The following SOD2 variants were observed in gnomAD, a reference collection of about 807,000 sequenced individuals.
SOD2 encodes superoxide dismutase [Mn], mitochondrial.
Under a neutral mutation model 27.0 loss-of-function variants are expected in SOD2, and 11 were observed. The ratio of observed to expected loss-of-function variants is 0.41; its 90% CI spans 0.26 to 0.67. SOD2 has a LOEUF of 0.67. SOD2 is among the 30% of genes least tolerant of loss of function. The pLI is 0.34. For missense variants in SOD2, 250 were observed against 274.5 expected, an observed-to-expected ratio of 0.91 and a Z score of 0.63; for synonymous variants, 105 against 103.0, an observed-to-expected ratio of 1.02 and a Z score of -0.12.
intron 1 of SOD2, chr6:159,727,025 C>G (rs1312967881): frequency 8.1e-7 from 1 of 1,234,450 alleles, no homozygotes; most frequent in East Asian, 5.8e-5. Context: ...AGCCCCGCAG[C>G]CGCAGGTGGC....
intron 1 of SOD2, among the ~76,000 whole-genome samples, chr6:159,724,915 G>A (rs757285502): frequency 8.9e-5 from 13 of 146,460 alleles, no homozygotes; most frequent in Non-Finnish European, 1.7e-4. Flanking sequence ...AGAGAGGGAG[G>A]GAGGGAAGAA....
intron 3 of SOD2, among the ~76,000 whole-genome samples, chr6:159,687,127 T>C (rs1057167171): frequency 3.3e-5 from 5 of 152,102 alleles, no homozygotes; most frequent in African/African-American, 4.8e-5. Flanking sequence ...CTGTATCACA[T>C]AGATGAAAAA....
intron 1 of SOD2, among the ~76,000 whole-genome samples, chr6:159,735,203 C>A (rs1778830628): frequency 6.6e-6 from 1 of 152,098 alleles, no homozygotes; most frequent in Non-Finnish European, 1.5e-5. Flanking sequence ...CAGTGGCGCG[C>A]CATCTCGGCT....
rs192914066 is a variant in SOD2 at position 159,675,729 on chromosome 6, G to A, written c.*6764C>T. On this transcript the variant is annotated 3_prime_UTR_variant, in exon 5 of 5. Transcript: ENST00000538183. ...TAAAACACCAAAAGCAATGGCAACA[G>A]AAGCCAAAATTGACAAATGGGATCT... 6.6e-6 allele frequency: 1 copy of A among 152,128 alleles called. No homozygotes were observed. The highest frequency in any genetic ancestry group is 1.5e-5 in the Non-Finnish European group (1 of 68,014). 9.4% of individuals were successfully genotyped at this position (152,128 alleles called of 1,614,324 possible). A position where few individuals can be genotyped will look rare whatever the true frequency, so the allele number is the denominator to read the frequency against.
chr6:159,755,726 T>G, intron 1 of SOD2: 2 of 1,257,954 alleles, frequency 1.6e-6, no homozygotes, highest in Non-Finnish European at 2.0e-6. Context: ...CGTTTTGGTT[T>G]TTTTTTGTTG....
In SOD2 at chr6:159,674,956, GACAA is replaced by G. The variant is rs1379475161; in HGVS notation, c.*7533_*7536del. 26 of 152,200 alleles carry G rather than the reference GACAA, an allele frequency of 1.7e-4. No individual in the cohort carries two copies. The highest frequency in any genetic ancestry group is 1.2e-3 in the South Asian group (6 of 4,824). 9.4% of individuals were successfully genotyped at this position (152,200 alleles called of 1,614,324 possible). On this transcript the variant is annotated 3_prime_UTR_variant, in exon 5 of 5. Transcript: ENST00000538183. ...CAAGCATTCTTATACACCAACAACAGACAAACAGAGAGCCAAATCATGAGTGAAC... is the reference window on the plus strand; with the variant it reads ...CAAGCATTCTTATACACCAACAACAGACAGAGAGCCAAATCATGAGTGAAC...
upstream of SOD2, among the ~76,000 whole-genome samples, chr6:159,694,439 ACAGT>A (rs895401685): frequency 7.9e-5 from 12 of 152,124 alleles, no homozygotes; most frequent in African/African-American, 1.2e-4. Context: ...GAATGGGAAA[ACAGT>A]CAGGCGAAGA....
chr6:159,761,948 CGG>C (rs1780142048), exon 1 of SOD2: 1 of 997,270 alleles, frequency 1.0e-6, no homozygotes, highest in African/African-American at 1.9e-5. Flanking sequence ...GTGGGATGCG[CGG>C]GGAGGTGGTG....
At chr6:159,752,450 CAT>C (rs1779855840) in intron 1 of SOD2, among the ~76,000 whole-genome samples, 1 of 151,798 alleles carries the variant, frequency 6.6e-6, no homozygotes, top group South Asian at 2.1e-4. Context: ...TATTGGGAAA[CAT>C]TTGAGCTTTT....
In SOD2 at chr6:159,681,512, C is replaced by G. The variant is rs564459169; in HGVS notation, c.*981G>C. 8 of 152,336 alleles carry G rather than the reference C, an allele frequency of 5.3e-5. No individual in the cohort carries two copies. The East Asian group carries it at 1.4e-3, about 26-fold the overall frequency. The allele number at this position is 152,336 out of a possible 1,614,324, so 9.4% of individuals were successfully genotyped here. A position where few individuals can be genotyped will look rare whatever the true frequency, so the allele number is the denominator to read the frequency against. On this transcript the variant is annotated 3_prime_UTR_variant, in exon 5 of 5. Coordinates refer to ENST00000538183, the MANE Select transcript of SOD2 (RefSeq NM_000636.4). ...CCTTAATGTTCCTTTCTGCGGACCC[C>G]AAGTTTTTAGACAAAGCTTTGCTTC...
At chr6:159,751,042 C>T (rs1779801458) in intron 1 of SOD2, among the ~76,000 whole-genome samples, 1 of 152,180 alleles carries the variant, frequency 6.6e-6, no homozygotes, top group Non-Finnish European at 1.5e-5. Context: ...AGAGGTATAT[C>T]TTTCAAAGTG....
chr6:159,707,305 C>T (rs990930243), intron 1 of SOD2, among the ~76,000 whole-genome samples: 9 of 151,918 alleles, frequency 5.9e-5, no homozygotes, highest in African/African-American at 1.9e-4. Flanking sequence ...ACAAAAAACC[C>T]TTCAAAAAAA....
chr6:159,700,431 G>A (rs1196065849), intron 1 of SOD2, among the ~76,000 whole-genome samples: 1 of 152,120 alleles, frequency 6.6e-6, no homozygotes, highest in Admixed American at 6.6e-5. Context: ...GAGGTGGGTG[G>A]ATCACAAGGT....
At chr6:159,754,957 G>A (rs756435341) in intron 1 of SOD2, 1 of 1,422,574 alleles carries the variant, frequency 7.0e-7, no homozygotes, top group Non-Finnish European at 9.4e-7. Flanking sequence ...CTTGCTTTGT[G>A]GCAGGCACTA....
At chr6:159,721,351 G>A (rs975047630) in intron 1 of SOD2, among the ~76,000 whole-genome samples, 1 of 148,018 alleles carries the variant, frequency 6.8e-6, no homozygotes, top group Non-Finnish European at 1.5e-5. Context: ...ACAGGCATGA[G>A]CCACCGTGCC....
upstream of SOD2, among the ~76,000 whole-genome samples, chr6:159,732,071 T>C (rs899803808): frequency 5.3e-5 from 8 of 152,212 alleles, no homozygotes; most frequent in African/African-American, 1.9e-4. Flanking sequence ...TGAACCCTGG[T>C]GTATGAAAAG....
intron 1 of SOD2, among the ~76,000 whole-genome samples, chr6:159,718,294 G>T (rs1358315323): frequency 1.3e-5 from 2 of 152,078 alleles, no homozygotes; most frequent in Admixed American, 1.3e-4. Context: ...CACCATGCCT[G>T]GTCATATATA....
At chr6:159,761,918 C>T (rs1226773764) in exon 1 of SOD2, 5 of 710,200 alleles carry the variant, frequency 7.0e-6, no homozygotes, top group South Asian at 5.7e-5. Flanking sequence ...GCCCCTGCTC[C>T]GGCCTTGCGC....
intron 2 of SOD2, chr6:159,691,461 A>T (rs1777184030): frequency 6.6e-6 from 1 of 152,216 alleles, no homozygotes. Context: ...ACTGTCTAAA[A>T]ATTACTCAAC....
Sources: gnomAD v4.1 joint callset for allele counts (sites outside exome capture counted in the v4.1 genomes callset) on GRCh38, gnomAD v4.1.1 for gene constraint, MANE v1.5 for transcripts, NCBI Gene and HGNC (gene_info 2026-07-23, HGNC 2026-07-21) for gene names.